Variants in BTBD10 observed in about 807,000 individuals in gnomAD.
BTBD10 encodes the protein BTB domain containing 10, also known as BTB/POZ domain-containing protein 10.
Under a neutral mutation model 53.2 loss-of-function variants are expected in BTBD10, and 21 were observed. The observed-to-expected ratio is 0.39, with a 90% confidence interval of 0.28 to 0.57. The LOEUF is 0.57. Ranked by LOEUF, BTBD10 falls within the 20% of genes least tolerant of loss-of-function variation. The pLI, the probability that BTBD10 is intolerant of heterozygous loss-of-function variation, is 0.53. For synonymous variants in BTBD10, 149 were observed against 192.7 expected, an observed-to-expected ratio of 0.77 and a Z score of 1.88; for missense variants, 360 against 594.7, an observed-to-expected ratio of 0.61 and a Z score of 4.10.
intron 2 of BTBD10, among the ~76,000 whole-genome samples, chr11:13,432,840 G>A (rs749864156): frequency 4.9e-4 from 75 of 152,010 alleles, no homozygotes; most frequent in South Asian, 4.1e-3. Context: ...TTAAAAAAGA[G>A]AACTAATGAA....
chr11:13,421,055 T>C (rs1950232554), intron 3 of BTBD10, among the ~76,000 whole-genome samples: 1 of 152,118 alleles, frequency 6.6e-6, no homozygotes, highest in Non-Finnish European at 1.5e-5. Context: ...AAAATAAAAA[T>C]CAGCAAGCTC....
intron 2 of BTBD10, among the ~76,000 whole-genome samples, chr11:13,437,047 T>C (rs1565261845): frequency 6.6e-6 from 1 of 152,240 alleles, no homozygotes; most frequent in Non-Finnish European, 1.5e-5. Context: ...CTTCCCCAAG[T>C]GCTGGGATTA....
At chr11:13,456,006 A>G (rs577868855) in intron 1 of BTBD10, among the ~76,000 whole-genome samples, 1 of 152,260 alleles carries the variant, frequency 6.6e-6, no homozygotes, top group East Asian at 1.9e-4. Context: ...CATTATCACA[A>G]CAGTGTGATA....
intron 6 of BTBD10, among the ~76,000 whole-genome samples, chr11:13,411,008 A>G (rs960145909): frequency 5.9e-5 from 9 of 152,248 alleles, no homozygotes; most frequent in East Asian, 1.9e-4. Context: ...TAGAATAGAC[A>G]TAAGTCAGAT....
chr11:13,395,970 C>T (rs1370736167), intron 8 of BTBD10, among the ~76,000 whole-genome samples: 20 of 152,120 alleles, frequency 1.3e-4, no homozygotes, highest in South Asian at 6.2e-4. Flanking sequence ...AGTCAGGTAG[C>T]GTGATGCCTC....
chr11:13,404,207 A>G (rs1467461407), intron 7 of BTBD10, among the ~76,000 whole-genome samples: 1 of 152,220 alleles, frequency 6.6e-6, no homozygotes, highest in African/African-American at 2.4e-5. Flanking sequence ...AATATCTGTC[A>G]TAAAGTCACA....
At chr11:13,413,200 G>A (rs1429785819) in intron 6 of BTBD10, among the ~76,000 whole-genome samples, 3 of 152,126 alleles carry the variant, frequency 2.0e-5, no homozygotes, top group African/African-American at 7.2e-5. Flanking sequence ...TCAAAGAAAT[G>A]CAGCCAAATG....
intron 8 of BTBD10, among the ~76,000 whole-genome samples, chr11:13,402,009 C>T (rs1451458986): frequency 3.3e-5 from 5 of 152,208 alleles, no homozygotes; most frequent in Admixed American, 3.3e-4. Context: ...TGAATGTCTT[C>T]TTCTCAGGAG....
Position 13,388,768 on chromosome 11 carries a change from G to C in BTBD10, c.*63C>G. On this transcript the variant is annotated 3_prime_UTR_variant, in exon 9 of 9. Transcript: ENST00000278174. ...TGAAGAAGAGTGGCCTTGCAGTGCA[G>C]AATGAGGAGAGTACAACGTCACTGT... 15 of 1,506,476 alleles carry C rather than the reference G, an allele frequency of 1.0e-5. No individual in the cohort carries two copies. Among genetic ancestry groups the C allele is most frequent in the Non-Finnish European group, 1.2e-5 (13 of 1,107,694 alleles). The allele number at this position is 1,506,476 out of a possible 1,614,324, so 93.3% of individuals were successfully genotyped here.
At chr11:13,436,462 C>T (rs898667193) in intron 2 of BTBD10, among the ~76,000 whole-genome samples, 2 of 152,194 alleles carry the variant, frequency 1.3e-5, no homozygotes, top group Admixed American at 1.3e-4. Context: ...CTTAGTTCTA[C>T]CTGCTGGGAC....
At chr11:13,406,229 G>C (rs1949822859) in intron 6 of BTBD10, among the ~76,000 whole-genome samples, 1 of 152,094 alleles carries the variant, frequency 6.6e-6, no homozygotes, top group African/African-American at 2.4e-5. Flanking sequence ...CAGGTTGAGA[G>C]GTGAGCTGAA....
At chr11:13,432,343 A>G (rs1204614324) in intron 2 of BTBD10, among the ~76,000 whole-genome samples, 1 of 152,126 alleles carries the variant, frequency 6.6e-6, no homozygotes, top group Non-Finnish European at 1.5e-5. Flanking sequence ...TGTAATAAAA[A>G]AAAGATAAAG....
chr11:13,428,577 GA>G (rs1026695606), intron 2 of BTBD10, among the ~76,000 whole-genome samples: 4 of 151,346 alleles, frequency 2.6e-5, no homozygotes, highest in East Asian at 1.9e-4. Flanking sequence ...AAAGAAAGTG[GA>G]AAAAAATATT....
At chr11:13,395,856 C>T (rs557981477) in intron 8 of BTBD10, among the ~76,000 whole-genome samples, 133 of 152,158 alleles carry the variant, frequency 8.7e-4, no homozygotes, top group African/African-American at 2.8e-3. Context: ...TGTAGATATG[C>T]GGCGTTATTT....
At position 13,440,080 on chromosome 11, in the gene BTBD10, C is replaced by T; in HGVS notation, c.101+4944G>A. ...TCCTCTGAACAATCAGAAAATTCCCCAGTCTCCCCCTACCTCACCTGTCCA... is the reference window on the plus strand; with the variant it reads ...TCCTCTGAACAATCAGAAAATTCCCTAGTCTCCCCCTACCTCACCTGTCCA... On this transcript the variant is annotated intron_variant, in intron 2 of 8. Coordinates refer to ENST00000278174, the MANE Select transcript of BTBD10 (RefSeq NM_032320.7). 2.6e-6 allele frequency: 4 copies of T among 1,525,470 alleles called. No homozygotes were observed. In the South Asian group the frequency reaches 3.6e-5, roughly 14 times the overall value. 94.5% of individuals were successfully genotyped at this position (1,525,470 alleles called of 1,614,324 possible).
At chr11:13,405,349 AT>A (rs1464974906) in intron 7 of BTBD10, 3 of 197,990 alleles carry the variant, frequency 1.5e-5, no homozygotes, top group African/African-American at 4.6e-5. Flanking sequence ...AAGAAAAAAA[AT>A]CTATCAAGTT....
intron 1 of BTBD10, among the ~76,000 whole-genome samples, chr11:13,445,619 A>C (rs1266934805): frequency 6.6e-6 from 1 of 152,180 alleles, no homozygotes; most frequent in Non-Finnish European, 1.5e-5. Context: ...AACCAATGTT[A>C]TTATTTCTTT....
chr11:13,390,437 G>T (rs899034780), intron 8 of BTBD10, among the ~76,000 whole-genome samples: 1 of 151,678 alleles, frequency 6.6e-6, no homozygotes, highest in Non-Finnish European at 1.5e-5. Context: ...TCTGTCTTCC[G>T]GGTTCAAGAG....
At chr11:13,434,582 A>G (rs954915731) in intron 2 of BTBD10, among the ~76,000 whole-genome samples, 1 of 152,224 alleles carries the variant, frequency 6.6e-6, no homozygotes, top group Non-Finnish European at 1.5e-5. Flanking sequence ...GCATTGAAGG[A>G]ATGTTTAAAG....
Sources: allele counts gnomAD v4.1 joint callset (sites outside exome capture counted in the v4.1 genomes callset), GRCh38; gene constraint gnomAD v4.1.1; transcripts MANE v1.5; gene names NCBI Gene and HGNC (gene_info 2026-07-23, HGNC 2026-07-21).